The following PCDHGA11 variants were observed in gnomAD, a reference collection of about 807,000 sequenced individuals.
The protein encoded by PCDHGA11 is protocadherin gamma-A11.
PCDHGA11 carries 39 observed loss-of-function variants against 60.4 expected under a neutral mutation model. The observed-to-expected ratio is 0.65, with a 90% CI of 0.50 to 0.84. The LOEUF is 0.84. Ranked by LOEUF, PCDHGA11 falls within the 40% of genes least tolerant of loss-of-function variation. The pLI is 0.00. For missense variants in PCDHGA11, 1,165 were observed against 1,197.7 expected (o/e 0.97, Z 0.40); for synonymous variants, 533 against 510.3 (o/e 1.04, Z -0.60).
intron 1 of PCDHGA11, among the ~76,000 whole-genome samples, chr5:141,452,356 C>G (rs1008914676): frequency 6.6e-6 from 1 of 152,148 alleles, no homozygotes; most frequent in African/African-American, 2.4e-5. Flanking sequence ...ATCCAAAAGC[C>G]TTGCTTCATT....
chr5:141,460,511 AT>A (rs937107682), intron 1 of PCDHGA11, among the ~76,000 whole-genome samples: 2 of 152,168 alleles, frequency 1.3e-5, no homozygotes, highest in African/African-American at 4.8e-5. Flanking sequence ...TGAGAAGGCT[AT>A]CTTTTCCCCA....
At chr5:141,481,606 C>T (rs2099540144) in intron 1 of PCDHGA11, among the ~76,000 whole-genome samples, 1 of 152,000 alleles carries the variant, frequency 6.6e-6, no homozygotes, top group South Asian at 2.1e-4. Context: ...TCACCTGAGG[C>T]CAGGAGTTCA....
At chr5:141,480,927 C>T (rs1562083028) in intron 1 of PCDHGA11, among the ~76,000 whole-genome samples, 1 of 152,090 alleles carries the variant, frequency 6.6e-6, no homozygotes, top group Non-Finnish European at 1.5e-5. Context: ...TACCTGTAGT[C>T]CCAGCTACTC....
intron 1 of PCDHGA11, among the ~76,000 whole-genome samples, chr5:141,445,417 A>C (rs1483224509): frequency 6.6e-6 from 1 of 152,208 alleles, no homozygotes; most frequent in Non-Finnish European, 1.5e-5. Context: ...ACTGTCTGCT[A>C]TATGCAAGGC....
Position 141,421,935 on chromosome 5 carries a change from A to G in PCDHGA11, c.708A>G (p.Val236=). Residue 236 remains valine, a synonymous_variant, in exon 1 of 4, where the codon GTA becomes GTG. Coordinates refer to ENST00000398587, the MANE Select transcript of PCDHGA11 (RefSeq NM_018914.3). The part of the protein sequence containing the change: ...AVPIRVVVLD[V]NDHIPMFTQS... ...CCATTCGTGTGGTGGTCCTCGATGTAAATGATCACATCCCAATGTTTACAC... is the reference window on the plus strand; with the variant it reads ...CCATTCGTGTGGTGGTCCTCGATGTGAATGATCACATCCCAATGTTTACAC... The G allele has an allele frequency of 6.2e-7, 1 of 1,613,514 alleles. No individual in the cohort carries two copies. The highest frequency in any genetic ancestry group is 2.2e-5 in the East Asian group (1 of 44,882).
At chr5:141,462,905 T>G (rs542357408) in intron 1 of PCDHGA11, among the ~76,000 whole-genome samples, 265 of 152,356 alleles carry the variant, frequency 1.7e-3, no homozygotes, top group Non-Finnish European at 3.1e-3. Flanking sequence ...AAGGCTATTA[T>G]GTTTTTTGCA....
rs750164473 is a variant in PCDHGA11 at position 141,432,286 on chromosome 5, C to G, written c.2433+8626C>G. Reference sequence around the variant, plus strand: ...TATCGTCCTACGTGTCCATCAACTCCGACACTGGGGTACTGTATGCGCTGA... The same window carrying G: ...TATCGTCCTACGTGTCCATCAACTCGGACACTGGGGTACTGTATGCGCTGA... On this transcript the variant is annotated intron_variant, in intron 1 of 3. Transcript: ENST00000398587. This position sits in a 1 kb window ranked among gnomAD's most constrained non-coding sequence, Gnocchi z 6.0. The G allele has an allele frequency of 6.2e-7, 1 of 1,614,252 alleles. No homozygotes were observed. The highest frequency in any genetic ancestry group is 1.3e-5 in the African/African-American group (1 of 75,070).
At chr5:141,507,450 CAGAG>C (rs940460926) in intron 3 of PCDHGA11, among the ~76,000 whole-genome samples, 1 of 152,170 alleles carries the variant, frequency 6.6e-6, no homozygotes, top group African/African-American at 2.4e-5. Flanking sequence ...GACGGAAGGA[CAGAG>C]AGAGAGGTGG....
At chr5:141,497,465 G>A (rs189158903) in intron 2 of PCDHGA11, among the ~76,000 whole-genome samples, 1 of 152,024 alleles carries the variant, frequency 6.6e-6, no homozygotes, top group East Asian at 1.9e-4. Flanking sequence ...TTGGAGATAT[G>A]GAGGAGAAGG....
chr5:141,491,291 C>T lies in PCDHGA11; in HGVS notation c.2434-3516C>T. 1 of 1,614,152 alleles carries T rather than the reference C, an allele frequency of 6.2e-7. No homozygotes were observed. The highest frequency in any genetic ancestry group is 8.5e-7 in the Non-Finnish European group (1 of 1,179,974). On this transcript the variant is annotated intron_variant, in intron 1 of 3. Coordinates refer to ENST00000398587, the MANE Select transcript of PCDHGA11 (RefSeq NM_018914.3). This position sits in a 1 kb window ranked among gnomAD's most constrained non-coding sequence, Gnocchi z 6.9. The stretch of plus-strand genomic sequence containing the variant: ...AAATCCAGTGACTTCCTCATACACC[C>T]TCCTGAGCGTTCAGACCTTACCCTT...
rs1404533394 is a variant in PCDHGA11, at chr5:141,491,708, G to T, written c.2434-3099G>T. ...CTGCGGGAGCGGAGCCAGGTGAGGG[G>T]CTCGGCGCCGCCCCGGGCGACCCCT... On this transcript the variant is annotated intron_variant, in intron 1 of 3. Transcript: ENST00000398587. The surrounding 1 kb of genome is among the most constrained non-coding windows in gnomAD (Gnocchi z 6.9). 1 of 1,610,132 alleles carries T rather than the reference G, an allele frequency of 6.2e-7. No individual in the cohort carries two copies. Among genetic ancestry groups the T allele is most frequent in the Admixed American group, 1.7e-5 (1 of 59,518 alleles).
At position 141,430,974 on chromosome 5, in the gene PCDHGA11, C is replaced by T. The variant is rs141488923; in HGVS notation, c.2433+7314C>T. The T allele has an allele frequency of 7.0e-4, 1,130 of 1,613,070 alleles. 8 individuals carry two copies. In the African/African-American group the frequency reaches 0.014, roughly 19 times the overall value. On this transcript the variant is annotated intron_variant, in intron 1 of 3. Transcript: ENST00000398587. ...GTCCGCATCATCCCCAGAGGTAGGA[C>T]GCAGCTTTTCGCCCTGAATCCGCGC...
chr5:141,485,563 C>A lies in PCDHGA11; in HGVS notation c.2434-9244C>A. 2 of 1,612,904 alleles carry A rather than the reference C, an allele frequency of 1.2e-6. No individual in the cohort carries two copies. The highest frequency in any genetic ancestry group is 1.7e-6 in the Non-Finnish European group (2 of 1,179,034). ...AGATCGTAGATGTGAATGATCACGC[C>A]CCCCGTTTTCCGCGGCAGCAGCTGG... On this transcript the variant is annotated intron_variant, in intron 1 of 3. Coordinates refer to ENST00000398587, the MANE Select transcript of PCDHGA11 (RefSeq NM_018914.3). This position sits in a 1 kb window ranked among gnomAD's most constrained non-coding sequence, Gnocchi z 5.7.
chr5:141,428,395 G>A, intron 1 of PCDHGA11: 1 of 488,280 alleles, frequency 2.0e-6, no homozygotes, highest in Non-Finnish European at 3.8e-6. Flanking sequence ...CAGCCCCTCT[G>A]CCTGGGGTTG....
At chr5:141,438,053 C>T (rs1023159995) in intron 1 of PCDHGA11, among the ~76,000 whole-genome samples, 2 of 152,112 alleles carry the variant, frequency 1.3e-5, no homozygotes, top group African/African-American at 4.8e-5. Context: ...TTTGAGTTCA[C>T]TTTTAAGAAA....
chr5:141,460,981 GTGTATATATA>G (rs1332002052), intron 1 of PCDHGA11, among the ~76,000 whole-genome samples: 6 of 121,884 alleles, frequency 4.9e-5, no homozygotes, highest in Non-Finnish European at 1.0e-4. Flanking sequence ...GTGTGTGTGT[GTGTATATATA>G]TATATGTGTA....
rs1310725827 is a variant in PCDHGA11, at chr5:141,500,934, T to C, written c.2493-4459T>C. The stretch of plus-strand genomic sequence containing the variant: ...TCCAGGCTGGGGTGCAGTGGCGCCA[T>C]CTCGGCTCACTGCAAGCTCCACCTC... On this transcript the variant is annotated intron_variant, in intron 2 of 3. Transcript: ENST00000398587. 5.9e-5 allele frequency among the ~76,000 whole-genome samples: 9 copies of C among 151,906 alleles called. 1 individual carries two copies. Among genetic ancestry groups the C allele is most frequent in the Non-Finnish European group, 1.3e-4 (9 of 68,020 alleles).
intron 1 of PCDHGA11, among the ~76,000 whole-genome samples, chr5:141,468,216 T>C (rs2099160325): frequency 6.6e-6 from 1 of 150,794 alleles, no homozygotes. Flanking sequence ...TTCCAGCTAC[T>C]TGGGAGGATG....
At chr5:141,471,932 A>T (rs1015576042) in intron 1 of PCDHGA11, among the ~76,000 whole-genome samples, 1 of 152,158 alleles carries the variant, frequency 6.6e-6, no homozygotes, top group Non-Finnish European at 1.5e-5. Context: ...GGGGGTGATG[A>T]GAGTTTTCTA....
Sources: gnomAD v4.1 joint callset for allele counts (sites outside exome capture counted in the v4.1 genomes callset) on GRCh38, gnomAD v4.1.1 for gene constraint, Gnocchi (gnomAD v3.1) non-coding constraint, MANE v1.5 for transcripts, NCBI Gene and HGNC (gene_info 2026-07-23, HGNC 2026-07-21) for gene names.